Variants in UTRN observed in about 807,000 individuals in gnomAD.
UTRN encodes dystrophin-related protein 1.
A neutral mutation model predicts 463.9 loss-of-function variants in UTRN; 283 were observed. The ratio of observed to expected loss-of-function variants is 0.61; its 90% CI spans 0.55 to 0.67. UTRN has a LOEUF of 0.67. UTRN is among the 30% of genes least tolerant of loss of function. The pLI is 0.00. For synonymous variants in UTRN, 1,442 were observed against 1,431.5 expected (o/e 1.01, Z -0.17); for missense variants, 3,922 against 4,084.3 (o/e 0.96, Z 1.08).
intron 41 of UTRN, among the ~76,000 whole-genome samples, chr6:144,524,581 G>C (rs55815143): frequency 6.6e-6 from 1 of 152,114 alleles, no homozygotes; most frequent in Admixed American, 6.5e-5. Flanking sequence ...AGTTCTAGGA[G>C]CTTTTTGGAT....
At position 144,511,054 on chromosome 6, in the gene UTRN, G is replaced by A; in HGVS notation, c.4875G>A (p.Arg1625=). 1.9e-6 allele frequency: 3 copies of A among 1,612,588 alleles called. No individual in the cohort carries two copies. Among genetic ancestry groups the A allele is most frequent in the African/African-American group, 2.7e-5 (2 of 74,956 alleles). The change falls in exon 35 of 75, where the codon AGG becomes AGA. Residue 1625 remains arginine (R), a synonymous_variant. Transcript: ENST00000367545. The part of the protein sequence containing the change: ...IEGSEPILEE[R]LCVLNAGWSR... Reference sequence around the variant, plus strand: ...GCAGTGAGCCTATTTTAGAAGAGAGGCTCTGCGTCCTTAACGCTGGGTGGA... The same window carrying A: ...GCAGTGAGCCTATTTTAGAAGAGAGACTCTGCGTCCTTAACGCTGGGTGGA...
chr6:144,387,458 T>C (rs1162706594), intron 2 of UTRN, among the ~76,000 whole-genome samples: 1 of 152,174 alleles, frequency 6.6e-6, no homozygotes, highest in Admixed American at 6.5e-5. Context: ...TTTTAATAAC[T>C]AATGATTTTG....
chr6:144,824,779 G>C (rs938854412), intron 66 of UTRN, among the ~76,000 whole-genome samples: 8 of 146,092 alleles, frequency 5.5e-5, no homozygotes, highest in Admixed American at 5.4e-4. Flanking sequence ...GTGGTGGGGG[G>C]GGGTGTCCCC....
chr6:144,530,472 T>C (rs1796944561), intron 41 of UTRN, among the ~76,000 whole-genome samples: 1 of 152,216 alleles, frequency 6.6e-6, no homozygotes, highest in South Asian at 2.1e-4. Context: ...ATTCAGTATA[T>C]AACATATAGA....
chr6:144,776,102 A>G (rs1775299313), intron 60 of UTRN, among the ~76,000 whole-genome samples: 1 of 152,140 alleles, frequency 6.6e-6, no homozygotes, highest in African/African-American at 2.4e-5. Flanking sequence ...CCACTCCTGG[A>G]GCTCATCAGT....
intron 2 of UTRN, among the ~76,000 whole-genome samples, chr6:144,369,234 C>T (rs2114707020): frequency 6.6e-6 from 1 of 152,368 alleles, no homozygotes. Flanking sequence ...GTAGGACCAT[C>T]TGACAGAGTG....
At chr6:144,391,598 A>G (rs888675267) in intron 2 of UTRN, among the ~76,000 whole-genome samples, 2 of 152,162 alleles carry the variant, frequency 1.3e-5, no homozygotes, top group South Asian at 2.1e-4. Context: ...CTCGAAAAAC[A>G]GTTCATACAG....
chr6:144,488,238 A>G (rs1185192108), intron 29 of UTRN, among the ~76,000 whole-genome samples: 1 of 152,224 alleles, frequency 6.6e-6, no homozygotes, highest in Non-Finnish European at 1.5e-5. Flanking sequence ...TAGTAGTTTG[A>G]TATGTATGTA....
intron 46 of UTRN, among the ~76,000 whole-genome samples, chr6:144,546,808 C>T (rs964399423): frequency 8.7e-5 from 13 of 148,820 alleles, no homozygotes; most frequent in African/African-American, 3.3e-4. Context: ...GCCCCTATCT[C>T]AAAGAAAAAA....
intron 51 of UTRN, among the ~76,000 whole-genome samples, chr6:144,613,595 A>T (rs1300452520): frequency 6.6e-6 from 1 of 152,082 alleles, no homozygotes; most frequent in Admixed American, 6.6e-5. Context: ...TATGGAAAGC[A>T]GTTCAATTGT....
At chr6:144,525,118 A>G (rs893229613) in intron 41 of UTRN, among the ~76,000 whole-genome samples, 3 of 152,062 alleles carry the variant, frequency 2.0e-5, no homozygotes, top group Admixed American at 2.0e-4. Flanking sequence ...GGATTTTTGC[A>G]TCTATATCAG....
At chr6:144,645,988 G>A (rs1041149895) in intron 51 of UTRN, among the ~76,000 whole-genome samples, 1 of 152,122 alleles carries the variant, frequency 6.6e-6, no homozygotes, top group Non-Finnish European at 1.5e-5. Context: ...CTTATTCTCT[G>A]AACTTGAAAT....
intron 51 of UTRN, chr6:144,583,235 C>T (rs1398289838): frequency 1.4e-5 from 5 of 363,478 alleles, no homozygotes; most frequent in East Asian, 4.1e-5. Flanking sequence ...CTGGCCATGC[C>T]GGGCTGAGCA....
chr6:144,725,538 A>C (rs1194374484), intron 53 of UTRN, among the ~76,000 whole-genome samples: 1 of 152,216 alleles, frequency 6.6e-6, no homozygotes, highest in Non-Finnish European at 1.5e-5. Flanking sequence ...ATTATGTTAT[A>C]TGCATTTAAG....
rs150507121 is a variant in UTRN at position 144,622,228 on chromosome 6, G to A, written c.7479+44940G>A. On this transcript the variant is annotated intron_variant, in intron 51 of 74. Transcript: ENST00000367545. ...TTTGGAGACGGAGTCTTGCTGTGTC[G>A]TCCAGGCTGGAGTACACGATCTTGG... 4.1e-3 allele frequency among the ~76,000 whole-genome samples: 478 copies of A among 116,190 alleles called. 1 individual carries two copies. Among genetic ancestry groups the A allele is most frequent in the African/African-American group, 0.016 (458 of 29,022 alleles). 76.2% of individuals were successfully genotyped at this position (116,190 alleles called of 152,430 possible).
At chr6:144,730,868 G>A (rs941188250) in intron 54 of UTRN, among the ~76,000 whole-genome samples, 4 of 150,936 alleles carry the variant, frequency 2.7e-5, no homozygotes, top group East Asian at 1.9e-4. Context: ...AATATTTCAA[G>A]GTCTATAAGT....
intron 50 of UTRN, among the ~76,000 whole-genome samples, chr6:144,562,263 A>G (rs997828521): frequency 1.3e-5 from 2 of 152,066 alleles, no homozygotes; most frequent in Non-Finnish European, 2.9e-5. Flanking sequence ...GGTTTATGAC[A>G]TAGGTAAATG....
At chr6:144,825,461 G>A (rs1780094122) in intron 66 of UTRN, among the ~76,000 whole-genome samples, 1 of 152,018 alleles carries the variant, frequency 6.6e-6, no homozygotes, top group African/African-American at 2.4e-5. Context: ...GAAGCCCAAG[G>A]TTTGACTTTT....
At chr6:144,568,632 C>T (rs191230680) in intron 50 of UTRN, among the ~76,000 whole-genome samples, 1 of 152,266 alleles carries the variant, frequency 6.6e-6, no homozygotes, top group East Asian at 1.9e-4. Flanking sequence ...CACTACTCAT[C>T]TATTCCCGCC....
Sources: gnomAD v4.1 joint callset for allele counts (sites outside exome capture counted in the v4.1 genomes callset) on GRCh38, gnomAD v4.1.1 for gene constraint, MANE v1.5 for transcripts, NCBI Gene and HGNC (gene_info 2026-07-23, HGNC 2026-07-21) for gene names.